The following RTN4 variants were observed in gnomAD, a reference collection of about 807,000 sequenced individuals.
RTN4 encodes the protein reticulon-4.
In RTN4, 32 loss-of-function variants were observed where a neutral mutation model predicts 90.4. The observed-to-expected ratio is 0.35, with a 90% CI of 0.27 to 0.48. RTN4 has a LOEUF of 0.48. Ranked by LOEUF, RTN4 falls within the 20% of genes least tolerant of loss-of-function variation. The pLI is 0.99. For missense variants in RTN4, 1,706 were observed against 1,430.2 expected (o/e 1.19, Z -3.11); for synonymous variants, 629 against 552.5 (o/e 1.14, Z -1.94).
In RTN4 at chr2:55,020,421, G is replaced by GAA. The variant is rs11383308; in HGVS notation, c.3013+4663_3013+4664dup. On this transcript the variant is annotated intron_variant, in intron 3 of 8. Coordinates refer to ENST00000337526, the MANE Select transcript of RTN4 (RefSeq NM_020532.5). ...CATATCTATAGCCAATCAATTTTTG[G>GAA]AAAAAAAAAAATGCCAAGAACATTC... Among the ~76,000 whole-genome samples, 74 of 146,998 alleles carry GAA rather than the reference G, an allele frequency of 5.0e-4. 1 individual carries two copies. Among genetic ancestry groups the GAA allele is most frequent in the East Asian group, 2.8e-3 (14 of 5,034 alleles).
intron 1 of RTN4, among the ~76,000 whole-genome samples, chr2:55,044,975 C>T (rs1172813162): frequency 6.6e-6 from 1 of 152,092 alleles, no homozygotes. Flanking sequence ...CAGGGCATGA[C>T]TTTCTTGTGT....
At chr2:54,978,779 G>GA in intron 5 of RTN4, among the ~76,000 whole-genome samples, 1 of 152,106 alleles carries the variant, frequency 6.6e-6, no homozygotes, top group South Asian at 2.1e-4. Flanking sequence ...ATTTAAATAA[G>GA]AAAAAACATT....
Position 55,026,653 on chromosome 2 carries a change from C to T in RTN4, c.1446G>A (p.Leu482=). 1 of 1,612,970 alleles carries T rather than the reference C, an allele frequency of 6.2e-7. No homozygotes were observed. The highest frequency in any genetic ancestry group is 2.2e-5 in the East Asian group (1 of 44,858). Residue 482 remains leucine (L), a synonymous_variant, in exon 3 of 9, where the codon TTG becomes TTA. Coordinates refer to ENST00000337526, the MANE Select transcript of RTN4 (RefSeq NM_020532.5). ...TATTTTCTGAAGTAGGATCTCCTAACAAAGGAAAAATGTTTGTTGCAATGC... is the reference window on the plus strand; with the variant it reads ...TATTTTCTGAAGTAGGATCTCCTAATAAAGGAAAAATGTTTGTTGCAATGC... ...TESIATNIFP[L]LGDPTSENKT... is the part of the protein sequence containing the mutation.
intron 3 of RTN4, among the ~76,000 whole-genome samples, chr2:55,004,769 G>T (rs1003125466): frequency 6.6e-6 from 1 of 152,020 alleles, no homozygotes; most frequent in African/African-American, 2.4e-5. Context: ...AAAAAAATTT[G>T]GAGGCTGGAA....
At chr2:55,125,197 G>A in the RTN4 span, among the ~76,000 whole-genome samples, 1 of 152,170 alleles carries the variant, frequency 6.6e-6, no homozygotes, top group Non-Finnish European at 1.5e-5. Flanking sequence ...ACATAGGAAT[G>A]GGCAAAAATT....
chr2:55,114,994 A>G (rs914571074), upstream of RTN4, among the ~76,000 whole-genome samples: 7 of 152,190 alleles, frequency 4.6e-5, no homozygotes, highest in African/African-American at 1.4e-4. Context: ...GGTTTCATGT[A>G]CTTGGGATAC....
chr2:54,973,068 C>G lies in RTN4; in HGVS notation c.*88G>C. The G allele has an allele frequency of 9.1e-7, 1 of 1,095,174 alleles. No individual in the cohort carries two copies. The highest frequency in any genetic ancestry group is 1.4e-5 in the South Asian group (1 of 70,910). The allele number at this position is 1,095,174 out of a possible 1,614,324, so 67.8% of individuals were successfully genotyped here. On this transcript the variant is annotated 3_prime_UTR_variant, in exon 9 of 9. Transcript: ENST00000337526. ...GATCTGTGAAACTGCACTGCAACGT[C>G]AAGGTTCGTTCTTCCCTGACCCTCC...
intron 1 of RTN4, among the ~76,000 whole-genome samples, chr2:55,030,071 G>A (rs1393835772): frequency 1.3e-5 from 2 of 151,982 alleles, no homozygotes; most frequent in East Asian, 3.9e-4. Flanking sequence ...TTTTTATCTA[G>A]ACAATATAGT....
intron 3 of RTN4, among the ~76,000 whole-genome samples, chr2:54,995,371 G>A (rs932490578): frequency 4.6e-5 from 7 of 152,106 alleles, no homozygotes; most frequent in African/African-American, 1.7e-4. Flanking sequence ...GATGGTGGTT[G>A]TAGTGGTGGT....
chr2:55,051,523 A>G (rs928840354), upstream of RTN4, among the ~76,000 whole-genome samples: 3 of 152,238 alleles, frequency 2.0e-5, no homozygotes, highest in African/African-American at 7.2e-5. Context: ...CTTTGTAAGA[A>G]TCAGGATCCT....
chr2:54,986,947 A>G (rs1005257528), intron 4 of RTN4, among the ~76,000 whole-genome samples: 3 of 152,196 alleles, frequency 2.0e-5, no homozygotes, highest in Admixed American at 6.5e-5. Flanking sequence ...ATATAATGCT[A>G]TAGTATACTT....
chr2:55,055,810 C>T (rs945813804), upstream of RTN4, among the ~76,000 whole-genome samples: 2 of 151,244 alleles, frequency 1.3e-5, no homozygotes, highest in Non-Finnish European at 2.9e-5. Flanking sequence ...AACCTACTGA[C>T]CATCTAGGCT....
Position 54,987,641 on chromosome 2 carries a change from C to A in RTN4, c.3071G>T (p.Ser1024Ile). ...IKKTGVVFGASLFLLLSLTVF... is the reference protein window; with the variant it reads ...IKKTGVVFGAILFLLLSLTVF... ...TGTCAATGAAAGCAGCAGGAATAGG[C>A]TGGCACCAAACACCACTCCAGTCTT... Residue 1024 changes from serine to isoleucine, a missense_variant, in exon 4 of 9, where the codon AGC becomes ATC. Physicochemically the swap from Ser to Ile is moderately radical, Grantham distance 142 (BLOSUM62 -2). Coordinates refer to ENST00000337526, the MANE Select transcript of RTN4 (RefSeq NM_020532.5). 6.2e-7 allele frequency: 1 copy of A among 1,614,224 alleles called. No homozygotes were observed. Among genetic ancestry groups the A allele is most frequent in the Non-Finnish European group, 8.5e-7 (1 of 1,180,028 alleles).
At chr2:55,093,488 G>A (rs1336177962) in intron 1 of RTN4, among the ~76,000 whole-genome samples, 3 of 151,960 alleles carry the variant, frequency 2.0e-5, no homozygotes, top group Non-Finnish European at 4.4e-5. Flanking sequence ...CCAGAAAGGT[G>A]TTTATTATGC....
intron 3 of RTN4, among the ~76,000 whole-genome samples, chr2:55,010,619 T>C (rs1410772014): frequency 6.6e-6 from 1 of 152,172 alleles, no homozygotes; most frequent in East Asian, 1.9e-4. Flanking sequence ...AAGATAAAAA[T>C]GGACTGATCA....
intron 1 of RTN4, among the ~76,000 whole-genome samples, chr2:55,090,526 G>A (rs1296760473): frequency 6.6e-6 from 1 of 152,158 alleles, no homozygotes; most frequent in Non-Finnish European, 1.5e-5. Context: ...GCAGAAGCTG[G>A]AGCTACAGAA....
At chr2:55,081,822 C>A (rs974504301) in intron 1 of RTN4, among the ~76,000 whole-genome samples, 4 of 142,800 alleles carry the variant, frequency 2.8e-5, no homozygotes, top group African/African-American at 1.0e-4. Flanking sequence ...AAGATCATAC[C>A]ACTGCACTCC....
the RTN4 span, among the ~76,000 whole-genome samples, chr2:55,137,775 A>G: frequency 6.6e-6 from 1 of 151,918 alleles, no homozygotes; most frequent in Non-Finnish European, 1.5e-5. Flanking sequence ...TTCCCTTCAC[A>G]TGGGCACAAA....
the RTN4 span, among the ~76,000 whole-genome samples, chr2:55,120,639 C>T: frequency 5.9e-5 from 9 of 152,096 alleles, no homozygotes. Flanking sequence ...CTCTAACTCC[C>T]ATTCTCAAGC....
Sources: allele counts gnomAD v4.1 joint callset (sites outside exome capture counted in the v4.1 genomes callset), GRCh38; gene constraint gnomAD v4.1.1; transcripts MANE v1.5; gene names NCBI Gene and HGNC (gene_info 2026-07-23, HGNC 2026-07-21).